DNAJB14: variants seen among roughly 807,000 people sequenced by gnomAD.
DNAJB14 encodes the protein dnaJ homolog subfamily B member 14.
In DNAJB14, 22 loss-of-function variants were observed where a neutral mutation model predicts 48.4. That is an observed-to-expected ratio of 0.45 (90% CI 0.32 to 0.65). The LOEUF (loss-of-function observed/expected upper bound fraction) is 0.65. Among genes scored for constraint, DNAJB14 ranks in the 30% least tolerant of loss-of-function variants. DNAJB14 has a pLI of 0.03. For missense variants in DNAJB14, 319 were observed against 458.8 expected (o/e 0.70, Z 2.78); for synonymous variants, 142 against 158.7 (o/e 0.89, Z 0.79).
intron 4 of DNAJB14, among the ~76,000 whole-genome samples, chr4:99,907,749 T>C (rs1032980023): frequency 1.3e-5 from 2 of 152,168 alleles, no homozygotes; most frequent in South Asian, 2.1e-4. Context: ...GGTCCAATTA[T>C]ACTGCTACAT....
intron 1 of DNAJB14, among the ~76,000 whole-genome samples, chr4:99,941,225 GGAGA>G (rs1205571472): frequency 6.6e-6 from 1 of 152,100 alleles, no homozygotes; most frequent in Non-Finnish European, 1.5e-5. Flanking sequence ...TTTAAATGTA[GGAGA>G]GAGACAGCTA....
intron 6 of DNAJB14, among the ~76,000 whole-genome samples, chr4:99,904,920 T>TAAAAAAAAAAAAAA (rs945997865): frequency 2.0e-5 from 3 of 152,110 alleles, no homozygotes; most frequent in African/African-American, 7.2e-5. Flanking sequence ...TTTTTGTTAA[T>TAAAAAAAAAAAAAA]AAAAATCTTA....
chr4:99,932,363 A>G (rs536805469), intron 1 of DNAJB14, among the ~76,000 whole-genome samples: 1 of 152,302 alleles, frequency 6.6e-6, no homozygotes, highest in South Asian at 2.1e-4. Flanking sequence ...CTGAATAGAC[A>G]ATTTCTCCAA....
At chr4:99,927,209 C>CT (rs1444909270) in intron 2 of DNAJB14, 5 of 152,116 alleles carry the variant, frequency 3.3e-5, no homozygotes, top group Admixed American at 1.3e-4. Flanking sequence ...TGGGAAAACT[C>CT]TGCCTGGTCC....
At position 99,946,502 on chromosome 4, in the gene DNAJB14, G is replaced by C. The variant is rs758706583; in HGVS notation, c.70C>G (p.Arg24Gly). 2 of 1,613,852 alleles carry C rather than the reference G, an allele frequency of 1.2e-6. No individual in the cohort carries two copies. The highest frequency in any genetic ancestry group is 1.7e-6 in the Non-Finnish European group (2 of 1,179,816). ...TGCAGGAAGCGCTGGGCCTTCTCGC[G>C]GTTGCCGGCGTTCAGGGCCTCCCGG... ...IAREALNAGNREKAQRFLQKA... is the reference protein window; with the variant it reads ...IAREALNAGNGEKAQRFLQKA... The change falls in exon 1 of 8, where the codon CGC becomes GGC. Residue 24 changes from arginine to glycine, a missense_variant. Physicochemically the swap from Arg to Gly is moderately radical, Grantham distance 125. Transcript: ENST00000442697.
At chr4:99,919,162 C>G (rs889542186) in intron 3 of DNAJB14, among the ~76,000 whole-genome samples, 3 of 152,114 alleles carry the variant, frequency 2.0e-5, no homozygotes, top group African/African-American at 7.2e-5. Context: ...TTCTGTCTTT[C>G]TAGGCTATCC....
At chr4:99,929,537 C>T (rs1000419378) in intron 2 of DNAJB14, 4 of 152,026 alleles carry the variant, frequency 2.6e-5, no homozygotes, top group African/African-American at 9.7e-5. Context: ...AATCACTTTC[C>T]TTAATAAATA....
intron 1 of DNAJB14, among the ~76,000 whole-genome samples, chr4:99,937,417 G>A (rs180972022): frequency 1.3e-5 from 2 of 152,072 alleles, no homozygotes; most frequent in Admixed American, 6.5e-5. Context: ...TGTGTCTCCT[G>A]ATATGTTACA....
At chr4:99,922,906 A>T in intron 3 of DNAJB14, 134 bp downstream of exon 3, 1 of 1,046,466 alleles carries the variant, frequency 9.6e-7, no homozygotes, top group Non-Finnish European at 1.3e-6. Context: ...CTGAAGTTTT[A>T]AAGGATTTTC....
At chr4:99,924,722 GA>G in intron 2 of DNAJB14, 4 of 1,608,928 alleles carry the variant, frequency 2.5e-6, no homozygotes, top group Admixed American at 1.7e-5. Flanking sequence ...CTATGTGATA[GA>G]AAAAAAGGAA....
intron 1 of DNAJB14, among the ~76,000 whole-genome samples, chr4:99,936,391 AAATT>A (rs1234824287): frequency 6.6e-6 from 1 of 152,212 alleles, no homozygotes; most frequent in East Asian, 1.9e-4. Context: ...ACAGATACTA[AAATT>A]AATATTGACC....
intron 3 of DNAJB14, among the ~76,000 whole-genome samples, chr4:99,909,942 C>T (rs1725602313): frequency 6.6e-6 from 1 of 152,028 alleles, no homozygotes; most frequent in South Asian, 2.1e-4. Flanking sequence ...AATAGTTAAT[C>T]ACTTCATAAA....
chr4:99,946,289 CG>C, intron 1 of DNAJB14, 149 bp downstream of exon 1: 1 of 1,249,040 alleles, frequency 8.0e-7, no homozygotes, highest in East Asian at 2.6e-5. Context: ...GGGGGTGTGT[CG>C]GGATGCTCCC....
intron 3 of DNAJB14, among the ~76,000 whole-genome samples, chr4:99,913,625 T>C (rs954789468): frequency 6.6e-6 from 1 of 151,192 alleles, no homozygotes; most frequent in African/African-American, 2.4e-5. Flanking sequence ...TCTGTAGTTT[T>C]TTTTTTTTTT....
chr4:99,924,775 G>A, intron 2 of DNAJB14: 1 of 1,610,464 alleles, frequency 6.2e-7, no homozygotes, highest in Non-Finnish European at 8.5e-7. Context: ...GTTAGGTACA[G>A]GTCCACCATC....
At chr4:99,903,185 A>G (rs1377060971) in intron 7 of DNAJB14, among the ~76,000 whole-genome samples, 1 of 152,156 alleles carries the variant, frequency 6.6e-6, no homozygotes, top group African/African-American at 2.4e-5. Flanking sequence ...ATCAATCTTT[A>G]TAGATGGAAC....
chr4:99,939,771 T>A (rs1726823492), intron 1 of DNAJB14, among the ~76,000 whole-genome samples: 1 of 152,236 alleles, frequency 6.6e-6, no homozygotes, highest in South Asian at 2.1e-4. Context: ...TTGTCAGTAC[T>A]AATAATCACT....
chr4:99,932,143 T>C (rs1324453146), intron 1 of DNAJB14, among the ~76,000 whole-genome samples: 1 of 151,834 alleles, frequency 6.6e-6, no homozygotes, highest in Non-Finnish European at 1.5e-5. Context: ...GAAACAAAAG[T>C]AAATGTGATA....
chr4:99,899,806 T>A lies in DNAJB14; in HGVS notation c.*1222A>T, dbSNP rs1725237568. The A allele has an allele frequency of 6.6e-6, 1 of 152,024 alleles. No homozygotes were observed. Among genetic ancestry groups the A allele is most frequent in the African/African-American group, 2.4e-5 (1 of 41,436 alleles). 9.4% of individuals were successfully genotyped at this position (152,024 alleles called of 1,614,324 possible). A position where few individuals can be genotyped will look rare whatever the true frequency, so the allele number is the denominator to read the frequency against. ...CAAAAACTTCAATTTCCAGCTGTTTTTTTTTTCTAATTCATATCATGGATT... is the reference window on the plus strand; with the variant it reads ...CAAAAACTTCAATTTCCAGCTGTTTATTTTTTCTAATTCATATCATGGATT... On this transcript the variant is annotated 3_prime_UTR_variant, in exon 8 of 8. Coordinates refer to ENST00000442697, the MANE Select transcript of DNAJB14 (RefSeq NM_001031723.4).
Sources: allele counts gnomAD v4.1 joint callset (sites outside exome capture counted in the v4.1 genomes callset), GRCh38; gene constraint gnomAD v4.1.1; transcripts MANE v1.5; gene names NCBI Gene and HGNC (gene_info 2026-07-23, HGNC 2026-07-21).